Variants in POTEF observed in about 807,000 individuals in gnomAD.
POTEF encodes ANKRD26-like family C member 1B.
POTEF carries 20 observed loss-of-function variants against 83.2 expected under a neutral mutation model. That is an observed-to-expected ratio of 0.24 (90% CI 0.17 to 0.35). The LOEUF is 0.35. POTEF is among the 10% of genes least tolerant of loss of function. The probability of loss-of-function intolerance (pLI) is 1.00; values close to 1 mark genes in which losing one functional copy is unlikely to be tolerated. For missense variants in POTEF, 550 were observed against 1,203.2 expected (o/e 0.46, Z 8.03); for synonymous variants, 196 against 446.4 (o/e 0.44, Z 7.07).
chr2:130,104,651 C>T (rs2259825), intron 8 of POTEF, among the ~76,000 whole-genome samples: 258 of 149,476 alleles, frequency 1.7e-3, no homozygotes, highest in African/African-American at 4.9e-3. Flanking sequence ...TGCCTTCATA[C>T]GCTCCTTGCT....
intron 3 of POTEF, among the ~76,000 whole-genome samples, chr2:130,117,233 T>A (rs1205865053): frequency 1.3e-5 from 2 of 151,850 alleles, no homozygotes; most frequent in Non-Finnish European, 2.9e-5. Context: ...AAAATGTATA[T>A]ACAATAAAAT....
intron 5 of POTEF, among the ~76,000 whole-genome samples, chr2:130,113,380 T>C (rs1367742508): frequency 4.5e-5 from 6 of 134,404 alleles, no homozygotes. Context: ...ATTGGAAAGA[T>C]TTAAAGAAAT....
intron 8 of POTEF, among the ~76,000 whole-genome samples, chr2:130,104,869 G>C (rs1273186508): frequency 2.6e-5 from 4 of 151,250 alleles, no homozygotes; most frequent in Non-Finnish European, 5.9e-5. Context: ...TTATTAGTGA[G>C]AGTCAAACTA....
At chr2:130,120,913 C>A (rs1573617798) in intron 2 of POTEF, 1 of 306,696 alleles carries the variant, frequency 3.3e-6, no homozygotes, top group Non-Finnish European at 6.2e-6. Context: ...AAGCCAAGAA[C>A]GCAAAGCCAA....
At chr2:130,104,471 T>A (rs1170137902) in intron 8 of POTEF, among the ~76,000 whole-genome samples, 1 of 149,334 alleles carries the variant, frequency 6.7e-6, no homozygotes, top group Non-Finnish European at 1.5e-5. Context: ...TATTTATATA[T>A]TGCTTTGTTT....
At chr2:130,119,208 G>A (rs1684930415) in intron 3 of POTEF, among the ~76,000 whole-genome samples, 1 of 149,422 alleles carries the variant, frequency 6.7e-6, no homozygotes, top group Non-Finnish European at 1.5e-5. Context: ...CTGTTGCCCA[G>A]GCTGGAGTGC....
chr2:130,111,357 G>A (rs1684706159), intron 6 of POTEF, among the ~76,000 whole-genome samples: 4 of 151,680 alleles, frequency 2.6e-5, no homozygotes, highest in South Asian at 2.1e-4. Flanking sequence ...CGTACGGCTT[G>A]TCTTCATTAA....
intron 8 of POTEF, among the ~76,000 whole-genome samples, chr2:130,103,103 T>C (rs1285432445): frequency 3.8e-5 from 1 of 26,180 alleles, no homozygotes; most frequent in African/African-American, 9.7e-5. Context: ...TCTTTCTTTC[T>C]TTTTTTTTTT....
intron 7 of POTEF, among the ~76,000 whole-genome samples, chr2:130,108,479 A>G (rs3872446): frequency 2.0e-5 from 3 of 151,936 alleles, no homozygotes; most frequent in Non-Finnish European, 2.9e-5. Flanking sequence ...TGTTATAAAG[A>G]TTTAACGAGA....
At position 130,078,177 on chromosome 2, in the gene POTEF, T is replaced by C. The variant is rs1683867653; in HGVS notation, c.1779-976A>G. ...TCAAACTATCTCTTCACCAATGATA[T>C]TATCCCATACCTAGAAAACCCTAAA... On this transcript the variant is annotated intron_variant, in intron 15 of 16. Transcript: ENST00000409914. 2.2e-5 allele frequency among the ~76,000 whole-genome samples: 2 copies of C among 89,374 alleles called. 1 individual carries two copies. The allele number at this position is 89,374 out of a possible 152,430, so 58.6% of individuals were successfully genotyped here. A position where few individuals can be genotyped will look rare whatever the true frequency, so the allele number is the denominator to read the frequency against.
At chr2:130,128,160 A>C (rs2622001) in intron 1 of POTEF, among the ~76,000 whole-genome samples, 1 of 139,924 alleles carries the variant, frequency 7.1e-6, no homozygotes, top group Non-Finnish European at 1.5e-5. Context: ...GCTGGTTCCC[A>C]TTCCTGACAC....
Position 130,092,963 on chromosome 2 carries a change from C to T in POTEF, c.1480+475G>A, listed in dbSNP as rs1684166239. ...ACGCCACACAGGAGTAGGTGCGCAGCAGGCAAGCCAGGGAAGCTTCATCTG... is the reference window on the plus strand; with the variant it reads ...ACGCCACACAGGAGTAGGTGCGCAGTAGGCAAGCCAGGGAAGCTTCATCTG... On this transcript the variant is annotated intron_variant, in intron 12 of 16. Coordinates refer to ENST00000409914, the MANE Select transcript of POTEF (RefSeq NM_001099771.2). Among the ~76,000 whole-genome samples the T allele has an allele frequency of 4.1e-5, 5 of 122,904 alleles. No homozygotes were observed. The South Asian group carries it at 1.4e-3, about 33-fold the overall frequency. The allele number at this position is 122,904 out of a possible 152,430, so 80.6% of individuals were successfully genotyped here.
chr2:130,109,037 G>T (rs2438682), intron 7 of POTEF, among the ~76,000 whole-genome samples: 4 of 150,518 alleles, frequency 2.7e-5, no homozygotes, highest in African/African-American at 9.9e-5. Context: ...TATTTTGCAC[G>T]GAACATGTTA....
At chr2:130,100,821 A>C in intron 9 of POTEF, 101 bp from the exon 10 acceptor site, 1 of 1,158,672 alleles carries the variant, frequency 8.6e-7, no homozygotes, top group Non-Finnish European at 1.1e-6. Context: ...TTAACTAATC[A>C]AGTATGGACA....
chr2:130,111,209 C>A (rs1558892273), intron 6 of POTEF, among the ~76,000 whole-genome samples: 1 of 150,772 alleles, frequency 6.6e-6, no homozygotes, highest in Non-Finnish European at 1.5e-5. Flanking sequence ...AGGATATATT[C>A]TCCTACTTTT....
intron 7 of POTEF, chr2:130,109,426 A>G (rs973046284): frequency 2.1e-5 from 3 of 143,816 alleles, no homozygotes; most frequent in Non-Finnish European, 4.5e-5. Context: ...CCTGTGAGCT[A>G]GAGTTTGAAA....
At chr2:130,113,735 G>A (rs1162239617) in intron 5 of POTEF, among the ~76,000 whole-genome samples, 1 of 150,868 alleles carries the variant, frequency 6.6e-6, no homozygotes, top group South Asian at 2.1e-4. Flanking sequence ...TTCAGAAAAA[G>A]CCTAGACTTG....
chr2:130,117,562 G>A (rs1389776606), intron 3 of POTEF, among the ~76,000 whole-genome samples: 4 of 152,020 alleles, frequency 2.6e-5, no homozygotes, highest in Non-Finnish European at 5.9e-5. Flanking sequence ...ATGTGTAACC[G>A]ATTTTTTTTC....
In POTEF at chr2:130,075,173, G is replaced by C. The variant is rs1441986381; in HGVS notation, c.2299C>G (p.Leu767Val). The C allele has an allele frequency of 6.2e-7, 1 of 1,613,220 alleles. No homozygotes were observed. The highest frequency in any genetic ancestry group is 8.5e-7 in the Non-Finnish European group (1 of 1,179,890). The change falls in exon 17 of 17, where the codon CTG (leucine) becomes GTG (valine). Residue 767 changes from leucine (L) to valine (V), a missense_variant. Transcript: ENST00000409914. ...ATGCCGTGTTCCATGGGGTACTTCA[G>C]GGTCAGGATGCCTCTTTTGCTCTGG... ...EAQSKRGILTLKYPMEHGIIT... is the reference protein window; with the variant it reads ...EAQSKRGILTVKYPMEHGIIT...
Sources: allele counts gnomAD v4.1 joint callset (sites outside exome capture counted in the v4.1 genomes callset), GRCh38; gene constraint gnomAD v4.1.1; transcripts MANE v1.5; gene names NCBI Gene and HGNC (gene_info 2026-07-23, HGNC 2026-07-21).